CA10: variants seen among roughly 807,000 people sequenced by gnomAD.
The protein encoded by CA10 is carbonic anhydrase 10 (inactive), also known as carbonic anhydrase-related protein 10.
CA10 carries 14 observed loss-of-function variants against 44.2 expected under a neutral mutation model. The observed-to-expected ratio is 0.32, with a 90% confidence interval of 0.21 to 0.50. CA10 has a LOEUF of 0.50. Among genes scored for constraint, CA10 ranks in the 20% least tolerant of loss-of-function variants. CA10 has a pLI of 0.99. For synonymous variants in CA10, 159 were observed against 141.6 expected, an observed-to-expected ratio of 1.12 and a Z score of -0.87; for missense variants, 350 against 409.7, an observed-to-expected ratio of 0.85 and a Z score of 1.26.
intron 3 of CA10, among the ~76,000 whole-genome samples, chr17:51,755,681 GAA>G (rs1465253873): frequency 6.6e-6 from 1 of 152,224 alleles, no homozygotes; most frequent in Non-Finnish European, 1.5e-5. Flanking sequence ...AGTTAGTTAG[GAA>G]AGGAAGGGTG....
intron 4 of CA10, among the ~76,000 whole-genome samples, chr17:51,744,300 G>A (rs1049094691): frequency 2.5e-4 from 38 of 149,412 alleles, no homozygotes; most frequent in African/African-American, 8.0e-4. Flanking sequence ...GGGTGACACA[G>A]CGAGACTCCA....
chr17:51,781,787 A>G (rs932766040), intron 3 of CA10, among the ~76,000 whole-genome samples: 1 of 152,226 alleles, frequency 6.6e-6, no homozygotes, highest in African/African-American at 2.4e-5. Context: ...CATGACATGT[A>G]ACAGTTTTTG....
At chr17:51,758,357 C>T (rs1348076837) in intron 3 of CA10, among the ~76,000 whole-genome samples, 1 of 152,240 alleles carries the variant, frequency 6.6e-6, no homozygotes. Flanking sequence ...AGTGAAGCAT[C>T]TCTTCAACTT....
At chr17:52,026,004 A>G (rs1167516186) in intron 2 of CA10, among the ~76,000 whole-genome samples, 2 of 152,074 alleles carry the variant, frequency 1.3e-5, no homozygotes, top group East Asian at 3.9e-4. Flanking sequence ...AAATATATAT[A>G]TCTGTGTGTA....
chr17:52,148,314 A>C (rs1989632149), intron 1 of CA10, among the ~76,000 whole-genome samples: 2 of 152,238 alleles, frequency 1.3e-5, no homozygotes, highest in Admixed American at 6.5e-5. Context: ...CTCAAGTAGG[A>C]ACAGAGATGA....
At position 52,157,535 on chromosome 17, in the gene CA10, C is replaced by CG. The variant is rs1989831664; in HGVS notation, c.61+190_61+191insC. ...CTGCACACAGATCCTAACCACCCCC[C>CG]CCCGCAAAACACACACATTCACACA... On this transcript the variant is annotated intron_variant, in intron 1 of 8. Transcript: ENST00000451037. Among the ~76,000 whole-genome samples, 3 of 145,652 alleles carry CG rather than the reference C, an allele frequency of 2.1e-5. 1 individual carries two copies. The highest frequency in any genetic ancestry group is 7.8e-5 in the African/African-American group (3 of 38,622).
intron 4 of CA10, among the ~76,000 whole-genome samples, chr17:51,662,559 C>A (rs1205361699): frequency 6.6e-6 from 1 of 152,156 alleles, no homozygotes; most frequent in Non-Finnish European, 1.5e-5. Flanking sequence ...TTTGCTGGAA[C>A]AACTATAAGC....
At chr17:51,889,317 C>G (rs927194476) in intron 3 of CA10, among the ~76,000 whole-genome samples, 2 of 151,912 alleles carry the variant, frequency 1.3e-5, no homozygotes, top group Non-Finnish European at 2.9e-5. Flanking sequence ...AGCCCAGGAG[C>G]TCAACACTAG....
intron 2 of CA10, among the ~76,000 whole-genome samples, chr17:51,984,083 T>C (rs1406292152): frequency 6.6e-6 from 1 of 151,748 alleles, no homozygotes; most frequent in African/African-American, 2.4e-5. Flanking sequence ...TTTTAATGAA[T>C]TCTGATTCTA....
At chr17:51,665,933 G>T (rs1033381087) in intron 4 of CA10, among the ~76,000 whole-genome samples, 1 of 152,220 alleles carries the variant, frequency 6.6e-6, no homozygotes, top group Admixed American at 6.5e-5. Context: ...ATGGGACCAG[G>T]CTGCTTGTCT....
At chr17:51,879,593 C>T (rs925593507) in intron 3 of CA10, among the ~76,000 whole-genome samples, 5 of 152,116 alleles carry the variant, frequency 3.3e-5, no homozygotes, top group Admixed American at 1.3e-4. Context: ...TAGATAGAAA[C>T]GTTGAGAAAC....
At chr17:52,069,351 G>A (rs1567722894) in intron 2 of CA10, among the ~76,000 whole-genome samples, 1 of 152,098 alleles carries the variant, frequency 6.6e-6, no homozygotes, top group Non-Finnish European at 1.5e-5. Flanking sequence ...GGCTGGTAAG[G>A]GGCTCCTTCC....
chr17:51,686,856 A>G (rs1915027475), intron 4 of CA10, among the ~76,000 whole-genome samples: 1 of 152,072 alleles, frequency 6.6e-6, no homozygotes, highest in African/African-American at 2.4e-5. Flanking sequence ...ATTTTCTCTC[A>G]CTACCTACAG....
intron 3 of CA10, among the ~76,000 whole-genome samples, chr17:51,844,300 A>G (rs984925759): frequency 1.3e-5 from 2 of 152,206 alleles, no homozygotes; most frequent in African/African-American, 4.8e-5. Context: ...TGAGAAAGTC[A>G]AAATTAAGTA....
chr17:51,759,497 AT>A (rs869081327), intron 3 of CA10, among the ~76,000 whole-genome samples: 2 of 129,924 alleles, frequency 1.5e-5, no homozygotes, highest in African/African-American at 2.6e-5. Flanking sequence ...TAATATATTT[AT>A]TTTTTTTGGT....
At chr17:52,083,356 A>G (rs1988032632) in intron 1 of CA10, among the ~76,000 whole-genome samples, 1 of 152,158 alleles carries the variant, frequency 6.6e-6, no homozygotes, top group Non-Finnish European at 1.5e-5. Flanking sequence ...CCTGGGGTTA[A>G]ATCACAAATT....
At chr17:51,772,754 A>G (rs1315705800) in intron 3 of CA10, among the ~76,000 whole-genome samples, 1 of 152,082 alleles carries the variant, frequency 6.6e-6, no homozygotes, top group Admixed American at 6.6e-5. Context: ...TATTAGCCTC[A>G]TTTTACAAAT....
At chr17:52,128,343 C>A (rs1213657066) in intron 1 of CA10, among the ~76,000 whole-genome samples, 4 of 152,122 alleles carry the variant, frequency 2.6e-5, no homozygotes, top group Admixed American at 6.5e-5. Context: ...AATACAGTAC[C>A]TCAAACACAG....
intron 1 of CA10, among the ~76,000 whole-genome samples, chr17:52,130,842 C>A (rs2143347335): frequency 6.6e-6 from 1 of 152,124 alleles, no homozygotes; most frequent in Non-Finnish European, 1.5e-5. Flanking sequence ...TGACAACAGG[C>A]ACACACCACC....
Sources: gnomAD v4.1 joint callset for allele counts (sites outside exome capture counted in the v4.1 genomes callset) on GRCh38, gnomAD v4.1.1 for gene constraint, MANE v1.5 for transcripts, NCBI Gene and HGNC (gene_info 2026-07-23, HGNC 2026-07-21) for gene names.